PLCB1: variants seen among roughly 807,000 people sequenced by gnomAD.
PLCB1 encodes phospholipase C beta 1.
A neutral mutation model predicts 161.8 loss-of-function variants in PLCB1; 46 were observed. The observed-to-expected ratio is 0.28, with a 90% CI of 0.22 to 0.36. PLCB1 has a LOEUF of 0.36. Among genes scored for constraint, PLCB1 ranks in the 10% least tolerant of loss-of-function variants. The pLI, the probability that PLCB1 is intolerant of heterozygous loss-of-function variation, is 1.00. For synonymous variants in PLCB1, 517 were observed against 503.7 expected (o/e 1.03, Z -0.35); for missense variants, 1,016 against 1,472.5 (o/e 0.69, Z 5.07).
At chr20:8,548,269 C>G (rs1985635891) in intron 3 of PLCB1, among the ~76,000 whole-genome samples, 2 of 137,122 alleles carry the variant, frequency 1.5e-5, no homozygotes, top group African/African-American at 5.5e-5. Context: ...TTCCTTCCTT[C>G]TTTCATTTTT....
intron 21 of PLCB1, among the ~76,000 whole-genome samples, chr20:8,739,956 G>A (rs989567444): frequency 1.2e-4 from 18 of 152,330 alleles, no homozygotes; most frequent in African/African-American, 4.3e-4. Flanking sequence ...CTTGAGGCCA[G>A]AAGTTTGAAA....
chr20:8,646,061 G>T, intron 4 of PLCB1, 41 bp from the exon 5 acceptor site: 1 of 1,251,314 alleles, frequency 8.0e-7, no homozygotes, highest in South Asian at 1.2e-5. Context: ...TAATGACTGT[G>T]CAGTATTTAA....
intron 24 of PLCB1, among the ~76,000 whole-genome samples, chr20:8,760,203 C>T (rs1568588147): frequency 1.3e-5 from 2 of 152,238 alleles, no homozygotes; most frequent in South Asian, 2.1e-4. Flanking sequence ...CTGCACCTGG[C>T]CTAATGTTAC....
chr20:8,214,524 G>A (rs1979013651), intron 2 of PLCB1, among the ~76,000 whole-genome samples: 3 of 152,044 alleles, frequency 2.0e-5, no homozygotes, highest in African/African-American at 7.2e-5. Flanking sequence ...CGGCTGCAGA[G>A]CCAATTAAAC....
chr20:8,665,489 G>T (rs1182603980), intron 9 of PLCB1, among the ~76,000 whole-genome samples: 1 of 152,046 alleles, frequency 6.6e-6, no homozygotes. Context: ...CTTATTTAAT[G>T]TACTGCAATT....
intron 3 of PLCB1, among the ~76,000 whole-genome samples, chr20:8,518,337 T>G (rs1273838730): frequency 3.3e-5 from 5 of 152,178 alleles, no homozygotes; most frequent in African/African-American, 7.2e-5. Context: ...CTCTCCCAGC[T>G]TCAGCAATAC....
At chr20:8,878,229 T>C (rs1381264810) in intron 31 of PLCB1, among the ~76,000 whole-genome samples, 3 of 152,180 alleles carry the variant, frequency 2.0e-5, no homozygotes, top group Non-Finnish European at 4.4e-5. Context: ...AACAACAATC[T>C]GTTGTTTTCT....
At chr20:8,328,854 A>C (rs148031981) in intron 2 of PLCB1, among the ~76,000 whole-genome samples, 3 of 152,280 alleles carry the variant, frequency 2.0e-5, no homozygotes, top group African/African-American at 7.2e-5. Flanking sequence ...ATATTATGTT[A>C]TGGCCAACTA....
At chr20:8,232,079 C>T (rs1980072050) in intron 2 of PLCB1, among the ~76,000 whole-genome samples, 2 of 152,080 alleles carry the variant, frequency 1.3e-5, no homozygotes, top group African/African-American at 2.4e-5. Context: ...TGGTGGTGTG[C>T]GTCTGTAGTC....
chr20:8,577,307 G>A (rs1398019015), intron 3 of PLCB1, among the ~76,000 whole-genome samples: 4 of 151,120 alleles, frequency 2.6e-5, no homozygotes, highest in East Asian at 1.9e-4. Flanking sequence ...GCGTGGTGGC[G>A]GGCACCTGTA....
intron 3 of PLCB1, among the ~76,000 whole-genome samples, chr20:8,601,144 A>G (rs921540471): frequency 6.6e-6 from 1 of 152,104 alleles, no homozygotes; most frequent in Non-Finnish European, 1.5e-5. Context: ...TACAAAATAT[A>G]AGGAGCAAAA....
At chr20:8,285,212 C>T (rs931736901) in intron 2 of PLCB1, among the ~76,000 whole-genome samples, 3 of 150,030 alleles carry the variant, frequency 2.0e-5, no homozygotes, top group South Asian at 2.1e-4. Flanking sequence ...CAAATGTATG[C>T]TCCTTCTCTT....
intron 2 of PLCB1, among the ~76,000 whole-genome samples, chr20:8,281,965 A>G (rs1982895220): frequency 6.6e-6 from 1 of 152,180 alleles, no homozygotes; most frequent in African/African-American, 2.4e-5. Flanking sequence ...AAACTATCAT[A>G]GGAAAATCTA....
chr20:8,871,836 G>T (rs1600106650), intron 31 of PLCB1, among the ~76,000 whole-genome samples: 1 of 152,042 alleles, frequency 6.6e-6, no homozygotes, highest in Non-Finnish European at 1.5e-5. Flanking sequence ...TAAAAATGAG[G>T]TTACACAATA....
chr20:8,714,442 T>G lies in PLCB1; in HGVS notation c.1251-1822T>G, dbSNP rs375057769. Among the ~76,000 whole-genome samples, 18 of 152,256 alleles carry G rather than the reference T, an allele frequency of 1.2e-4. No individual in the cohort carries two copies. The South Asian group carries it at 2.5e-3, about 21-fold the overall frequency. ...GTAGAACCCCTGTGCAAGTTATCAC[T>G]GGAGGAAGAAGACTTGAACCCAGGG... On this transcript the variant is annotated intron_variant, in intron 12 of 31. Coordinates refer to ENST00000338037, the MANE Select transcript of PLCB1 (RefSeq NM_015192.4).
At chr20:8,144,765 G>A (rs939015710) in intron 1 of PLCB1, among the ~76,000 whole-genome samples, 1 of 152,198 alleles carries the variant, frequency 6.6e-6, no homozygotes, top group Non-Finnish European at 1.5e-5. Flanking sequence ...TCTATTTGCT[G>A]TATTTGGCCC....
At chr20:8,532,763 C>T (rs1051822876) in intron 3 of PLCB1, among the ~76,000 whole-genome samples, 2 of 151,048 alleles carry the variant, frequency 1.3e-5, no homozygotes, top group South Asian at 2.1e-4. Flanking sequence ...AAGAAAGAGA[C>T]CTGGAAAGGA....
At chr20:8,254,441 G>A (rs911052239) in intron 2 of PLCB1, among the ~76,000 whole-genome samples, 1 of 151,926 alleles carries the variant, frequency 6.6e-6, no homozygotes, top group Non-Finnish European at 1.5e-5. Flanking sequence ...TTGGGCTAAT[G>A]TATCTTCCCC....
intron 2 of PLCB1, among the ~76,000 whole-genome samples, chr20:8,224,073 TGCTTAA>T (rs1359268794): frequency 5.0e-4 from 76 of 152,332 alleles, no homozygotes; most frequent in African/African-American, 1.8e-3. Context: ...ACAAGCAGTC[TGCTTAA>T]TGTAAAATAA....
Sources: allele counts gnomAD v4.1 joint callset (sites outside exome capture counted in the v4.1 genomes callset), GRCh38; gene constraint gnomAD v4.1.1; transcripts MANE v1.5; gene names NCBI Gene and HGNC (gene_info 2026-07-23, HGNC 2026-07-21).